Variants in NKD1 observed in about 807,000 individuals in gnomAD.
The protein encoded by NKD1 is NKD inhibitor of Wnt signaling pathway 1, also known as protein naked cuticle homolog 1.
A neutral mutation model predicts 56.0 loss-of-function variants in NKD1; 21 were observed. The ratio of observed to expected loss-of-function variants is 0.38; its 90% confidence interval spans 0.27 to 0.54. The LOEUF (loss-of-function observed/expected upper bound fraction) is 0.54. Ranked by LOEUF, NKD1 falls within the 20% of genes least tolerant of loss-of-function variation. The pLI is 0.82. For synonymous variants in NKD1, 263 were observed against 265.7 expected, an observed-to-expected ratio of 0.99 and a Z score of 0.10; for missense variants, 578 against 642.7, an observed-to-expected ratio of 0.90 and a Z score of 1.09.
At chr16:50,574,624 A>T (rs1024845501) in intron 3 of NKD1, 2 of 985,318 alleles carry the variant, frequency 2.0e-6, no homozygotes, top group Non-Finnish European at 2.4e-6. Context: ...AGCGGGCAGG[A>T]GGAGCTGTGC....
At chr16:50,589,269 C>G (rs541393411) in intron 3 of NKD1, among the ~76,000 whole-genome samples, 4 of 152,120 alleles carry the variant, frequency 2.6e-5, no homozygotes, top group Non-Finnish European at 4.4e-5. Context: ...CAGACAGACA[C>G]GAAAGTAGAG....
rs748459735 is a variant in NKD1 at position 50,621,859 on chromosome 16, TCTGGGGCCGTC to T, written c.366+156_366+166del. 674 of 634,280 alleles carry T rather than the reference TCTGGGGCCGTC, an allele frequency of 1.1e-3. 2 individuals carry two copies. Among genetic ancestry groups the T allele is most frequent in the Non-Finnish European group, 1.6e-3 (577 of 364,680 alleles). 39.3% of individuals were successfully genotyped at this position (634,280 alleles called of 1,614,324 possible). On this transcript the variant is annotated intron_variant, in intron 5 of 9. Coordinates refer to ENST00000268459, the MANE Select transcript of NKD1 (RefSeq NM_033119.5). ...TCTGTGGGAGGTTCCTTCTGCCACA[TCTGGGGCCGTC>T]CTGGCTCAGGGCAGACCCCAGGGAC...
chr16:50,623,456 C>G lies in NKD1; in HGVS notation c.366+1748C>G, dbSNP rs1451038083. Reference sequence around the variant, plus strand: ...GGTCCTTGTAGGGTCTTTTGGGGAGCTTGGCAAAGCCCAGGGCTGAACTCA... The same window carrying G: ...GGTCCTTGTAGGGTCTTTTGGGGAGGTTGGCAAAGCCCAGGGCTGAACTCA... On this transcript the variant is annotated intron_variant, in intron 5 of 9. Transcript: ENST00000268459. This position sits in a 1 kb window ranked among gnomAD's most constrained non-coding sequence, Gnocchi z 4.1. Among the ~76,000 whole-genome samples the G allele has an allele frequency of 1.3e-5, 2 of 152,110 alleles. No individual in the cohort carries two copies. The highest frequency in any genetic ancestry group is 2.9e-5 in the Non-Finnish European group (2 of 68,016).
At chr16:50,630,782 G>C in intron 7 of NKD1, 44 bp from the exon 8 acceptor site, 2 of 1,517,776 alleles carry the variant, frequency 1.3e-6, no homozygotes, top group Non-Finnish European at 1.8e-6. Context: ...GGTGGGAGCA[G>C]GCAGCTCACC....
chr16:50,629,846 A>G (rs529691626), intron 6 of NKD1, among the ~76,000 whole-genome samples: 2 of 152,296 alleles, frequency 1.3e-5, no homozygotes, highest in South Asian at 4.1e-4. Flanking sequence ...ATGAGAGTCC[A>G]TTTCTAAACC....
intron 3 of NKD1, chr16:50,555,332 A>G (rs4785217): frequency 0.16 from 24,778 of 152,394 alleles, 3,692 homozygotes; most frequent in African/African-American, 0.39. Flanking sequence ...AGCCTCGTGC[A>G]TTGGTGGCTC....
intron 3 of NKD1, among the ~76,000 whole-genome samples, chr16:50,566,792 A>G (rs1438203594): frequency 6.6e-6 from 1 of 152,194 alleles, no homozygotes; most frequent in Non-Finnish European, 1.5e-5. Context: ...CATGCAGCCC[A>G]CCTGGGTTAC....
At chr16:50,608,747 C>T (rs572294014) in intron 4 of NKD1, among the ~76,000 whole-genome samples, 22 of 152,324 alleles carry the variant, frequency 1.4e-4, no homozygotes, top group African/African-American at 5.1e-4. Flanking sequence ...AGTGCCTATT[C>T]TGTTTCCTCC....
chr16:50,615,639 C>A (rs755125567), intron 4 of NKD1, among the ~76,000 whole-genome samples: 43 of 152,094 alleles, frequency 2.8e-4, no homozygotes, highest in Non-Finnish European at 1.5e-5. Flanking sequence ...GCAGCCGGGT[C>A]GTGGAAGCCT....
chr16:50,637,122 C>G lies in NKD1; in HGVS notation c.*3341C>G, dbSNP rs1962484542. 1 of 152,246 alleles carries G rather than the reference C, an allele frequency of 6.6e-6. No individual in the cohort carries two copies. The highest frequency in any genetic ancestry group is 1.5e-5 in the Non-Finnish European group (1 of 68,048). 9.4% of individuals were successfully genotyped at this position (152,246 alleles called of 1,614,324 possible). ...CATAAGGGTCATCTCTCATCCCAGG[C>G]TCTGGCGAACACTGTGCTGAGAGTC... On this transcript the variant is annotated 3_prime_UTR_variant, in exon 10 of 10. Coordinates refer to ENST00000268459, the MANE Select transcript of NKD1 (RefSeq NM_033119.5).
intron 3 of NKD1, chr16:50,553,400 C>T (rs566603571): frequency 2.0e-5 from 3 of 152,240 alleles, no homozygotes; most frequent in African/African-American, 7.2e-5. Context: ...CAGGCAAGCC[C>T]GCCTCTGGAT....
At chr16:50,592,758 G>T (rs1961396005) in intron 3 of NKD1, among the ~76,000 whole-genome samples, 1 of 151,034 alleles carries the variant, frequency 6.6e-6, no homozygotes, top group Non-Finnish European at 1.5e-5. Flanking sequence ...GGAGCATCCT[G>T]CACAGAGGGT....
chr16:50,548,843 GC>G, intron 2 of NKD1, 94 bp downstream of exon 2: 1 of 1,270,840 alleles, frequency 7.9e-7, no homozygotes, highest in Non-Finnish European at 1.0e-6. Context: ...TATGACCAGG[GC>G]CACCCCGAAG....
rs201679052 is a variant in NKD1, at chr16:50,632,374, C to T, written c.789C>T (p.Ala263=). ...GGAGAAACCACTACTTAGATCTCGCCGGGATAGAAAACTACACGTCCCAAT... is the reference window on the plus strand; with the variant it reads ...GGAGAAACCACTACTTAGATCTCGCTGGGATAGAAAACTACACGTCCCAAT... The part of the protein sequence containing the change: ...IERRNHYLDL[A]GIENYTSQFG... Residue 263 remains alanine (A), a synonymous_variant, in exon 9 of 10, where the codon GCC becomes GCT. Transcript: ENST00000268459. The surrounding 1 kb of genome is among the most constrained non-coding windows in gnomAD (Gnocchi z 4.1). The T allele has an allele frequency of 3.0e-5, 48 of 1,614,014 alleles. No homozygotes were observed. The highest frequency in any genetic ancestry group is 1.2e-4 in the South Asian group (11 of 91,068).
chr16:50,616,450 C>T (rs1354437877), intron 4 of NKD1, among the ~76,000 whole-genome samples: 2 of 152,184 alleles, frequency 1.3e-5, no homozygotes, highest in Non-Finnish European at 2.9e-5. Flanking sequence ...TTCAACTCCC[C>T]ACCTCCCCAT....
intron 4 of NKD1, among the ~76,000 whole-genome samples, chr16:50,617,004 G>T (rs1224668971): frequency 6.6e-6 from 1 of 152,200 alleles, no homozygotes; most frequent in African/African-American, 2.4e-5. Flanking sequence ...TACTGTTGAG[G>T]AGGACAGGTC....
chr16:50,561,500 A>G (rs1169034654), intron 3 of NKD1, among the ~76,000 whole-genome samples: 1 of 152,108 alleles, frequency 6.6e-6, no homozygotes, highest in Non-Finnish European at 1.5e-5. Flanking sequence ...CTGTGGCTCC[A>G]TGTAGCACAG....
intron 5 of NKD1, among the ~76,000 whole-genome samples, chr16:50,622,190 G>C (rs993817118): frequency 6.6e-6 from 1 of 152,230 alleles, no homozygotes; most frequent in Admixed American, 6.5e-5. Flanking sequence ...ATGTGCCTCC[G>C]TGTGGCTCTG....
intron 3 of NKD1, among the ~76,000 whole-genome samples, chr16:50,573,411 C>T (rs370154712): frequency 1.3e-5 from 2 of 152,316 alleles, no homozygotes; most frequent in Admixed American, 6.5e-5. Context: ...AAAGCGAGGC[C>T]CTTTGGAGCT....
Sources: allele counts gnomAD v4.1 joint callset (sites outside exome capture counted in the v4.1 genomes callset), GRCh38; gene constraint gnomAD v4.1.1; non-coding constraint Gnocchi (gnomAD v3.1); transcripts MANE v1.5; gene names NCBI Gene and HGNC (gene_info 2026-07-23, HGNC 2026-07-21).